The following ARID3B variants were observed in gnomAD, a reference collection of about 807,000 sequenced individuals.
ARID3B encodes AT-rich interaction domain 3B.
A neutral mutation model predicts 51.9 loss-of-function variants in ARID3B; 10 were observed. That is an observed-to-expected ratio of 0.19 (90% confidence interval 0.12 to 0.33). The LOEUF (loss-of-function observed/expected upper bound fraction) is 0.33, where lower values mean the gene tolerates loss of function less well. Ranked by LOEUF, ARID3B falls within the 10% of genes least tolerant of loss-of-function variation. The probability of loss-of-function intolerance (pLI) is 1.00; values close to 1 mark genes in which losing one functional copy is unlikely to be tolerated. For missense variants in ARID3B, 483 were observed against 716.3 expected (o/e 0.67, Z 3.72); for synonymous variants, 205 against 279.5 (o/e 0.73, Z 2.66).
At chr15:74,569,367 G>A (rs916064914) in intron 2 of ARID3B, among the ~76,000 whole-genome samples, 6 of 151,322 alleles carry the variant, frequency 4.0e-5, no homozygotes, top group African/African-American at 1.5e-4. Context: ...TATTATTTTT[G>A]GTAGAGATGG....
Position 74,596,537 on chromosome 15 carries a change from T to C in ARID3B, c.*763T>C, listed in dbSNP as rs1370451365. 1 of 233,512 alleles carries C rather than the reference T, an allele frequency of 4.3e-6. No individual in the cohort carries two copies. The highest frequency in any genetic ancestry group is 8.5e-6 in the Non-Finnish European group (1 of 118,106). The allele number at this position is 233,512 out of a possible 1,614,324, so 14.5% of individuals were successfully genotyped here. On this transcript the variant is annotated 3_prime_UTR_variant, in exon 9 of 9. Coordinates refer to ENST00000346246, the MANE Select transcript of ARID3B (RefSeq NM_006465.4). ...ACCTCATGCTCCCCACTTGCCCTTATTGGCCTGCTTTCCCAAAAACAGCCC... is the reference window on the plus strand; with the variant it reads ...ACCTCATGCTCCCCACTTGCCCTTACTGGCCTGCTTTCCCAAAAACAGCCC...
chr15:74,562,361 G>A (rs979139772), intron 2 of ARID3B, among the ~76,000 whole-genome samples: 21 of 152,052 alleles, frequency 1.4e-4, no homozygotes, highest in Non-Finnish European at 7.4e-5. Flanking sequence ...GGCTAGTCTC[G>A]AACTCCTGTC....
intron 4 of ARID3B, 32 bp downstream of exon 4, chr15:74,573,236 A>C: frequency 6.3e-7 from 1 of 1,599,508 alleles, no homozygotes; most frequent in Non-Finnish European, 8.6e-7. Context: ...ATTCCAATTC[A>C]GGGAATACTG....
intron 2 of ARID3B, among the ~76,000 whole-genome samples, chr15:74,559,804 A>G (rs2061672214): frequency 6.6e-6 from 1 of 152,120 alleles, no homozygotes; most frequent in South Asian, 2.1e-4. Context: ...AAGAAAATAC[A>G]ATCACTACAG....
chr15:74,555,923 C>G (rs1000306825), intron 2 of ARID3B, among the ~76,000 whole-genome samples: 2 of 150,838 alleles, frequency 1.3e-5, no homozygotes, highest in Admixed American at 6.7e-5. Context: ...TCCCGAGTAG[C>G]TGAGACTACA....
At chr15:74,567,865 A>G (rs1438072484) in intron 2 of ARID3B, among the ~76,000 whole-genome samples, 1 of 152,168 alleles carries the variant, frequency 6.6e-6, no homozygotes, top group East Asian at 1.9e-4. Context: ...TGCTGTTGAA[A>G]TGGGTTCCAG....
rs2061805460 is a variant in ARID3B at position 74,591,953 on chromosome 15, C to G, written c.1420+139C>G. The G allele has an allele frequency of 1.5e-6, 2 of 1,370,966 alleles. No homozygotes were observed. The highest frequency in any genetic ancestry group is 4.7e-5 in the East Asian group (2 of 42,176). The allele number at this position is 1,370,966 out of a possible 1,614,324, so 84.9% of individuals were successfully genotyped here. On this transcript the variant is annotated intron_variant, in intron 7 of 8. Coordinates refer to ENST00000346246, the MANE Select transcript of ARID3B (RefSeq NM_006465.4). The surrounding 1 kb of genome is among the most constrained non-coding windows in gnomAD (Gnocchi z 5.8). ...CCCCTCCAGGTTCTGCCTTCCAGGC[C>G]CCTAGAAGAGAGGCACTGAGATCTT...
chr15:74,543,975 A>AGCAGCAGCAGCAGCAGCAG lies in ARID3B; in HGVS notation c.39_40insGCAGCAGCAGCAGCAGCAG (p.Gln14AlafsTer76). 2 of 1,601,068 alleles carry AGCAGCAGCAGCAGCAGCAG rather than the reference A, an allele frequency of 1.2e-6. No homozygotes were observed. The highest frequency in any genetic ancestry group is 1.7e-6 in the Non-Finnish European group (2 of 1,175,908). On this transcript the variant is annotated frameshift_variant, in exon 2 of 9. Coordinates refer to ENST00000346246, the MANE Select transcript of ARID3B (RefSeq NM_006465.4). LOFTEE classifies it high-confidence loss of function. ...AGCAGCAGCAGCAGCAGCAGCAGCA[A>AGCAGCAGCAGCAGCAGCAG]CAACAGAAGCAGCCACACCTGGCTC...
chr15:74,566,616 A>AAG (rs2141460823), intron 2 of ARID3B, among the ~76,000 whole-genome samples: 2 of 152,064 alleles, frequency 1.3e-5, no homozygotes, highest in South Asian at 4.2e-4. Flanking sequence ...AAAAAAAAAA[A>AAG]AGAGACTAAA....
intron 4 of ARID3B, among the ~76,000 whole-genome samples, chr15:74,582,869 G>A (rs1281829787): frequency 1.3e-5 from 2 of 152,080 alleles, no homozygotes; most frequent in Non-Finnish European, 2.9e-5. Flanking sequence ...ATGTAGCATA[G>A]TCACATATCG....
intron 5 of ARID3B, among the ~76,000 whole-genome samples, chr15:74,590,428 G>A (rs2061798906): frequency 6.6e-6 from 1 of 152,128 alleles, no homozygotes; most frequent in African/African-American, 2.4e-5. Context: ...CACCCCAAGT[G>A]GCCCCTCTTA....
At chr15:74,563,961 G>T (rs999645627) in intron 2 of ARID3B, among the ~76,000 whole-genome samples, 1 of 152,140 alleles carries the variant, frequency 6.6e-6, no homozygotes, top group Admixed American at 6.5e-5. Flanking sequence ...TGCTCTGCCC[G>T]CTTTCTACAG....
intron 2 of ARID3B, among the ~76,000 whole-genome samples, chr15:74,553,062 GCTT>G (rs2061643882): frequency 6.6e-6 from 1 of 152,202 alleles, no homozygotes; most frequent in African/African-American, 2.4e-5. Flanking sequence ...CAGTGAATGA[GCTT>G]CTGTTGCTCC....
chr15:74,562,257 T>A (rs2061681985), intron 2 of ARID3B, among the ~76,000 whole-genome samples: 1 of 152,116 alleles, frequency 6.6e-6, no homozygotes, highest in Non-Finnish European at 1.5e-5. Flanking sequence ...TTCTCCTGCC[T>A]CCACCTCCCG....
chr15:74,595,782 G>T lies in ARID3B; in HGVS notation c.*8G>T. The T allele has an allele frequency of 6.2e-6, 10 of 1,601,130 alleles. No homozygotes were observed. The highest frequency in any genetic ancestry group is 7.7e-6 in the Non-Finnish European group (9 of 1,172,324). The stretch of plus-strand genomic sequence containing the variant: ...ACCAGCTGGTCCCTCTGATGGGCAG[G>T]ACCCAGCTTCCCACTTGCCACTCTC... On this transcript the variant is annotated 3_prime_UTR_variant, in exon 9 of 9. Transcript: ENST00000346246.
intron 4 of ARID3B, among the ~76,000 whole-genome samples, chr15:74,584,148 G>A (rs908103668): frequency 6.6e-6 from 1 of 152,198 alleles, no homozygotes; most frequent in African/African-American, 2.4e-5. Context: ...CGCCCAGGTT[G>A]TATGCATAGT....
At chr15:74,543,239 C>T (rs1014268219) in intron 1 of ARID3B, among the ~76,000 whole-genome samples, 5 of 152,162 alleles carry the variant, frequency 3.3e-5, no homozygotes, top group Non-Finnish European at 5.9e-5. Context: ...TAGTATGGCT[C>T]AGTCCACTCA....
At chr15:74,560,031 T>TAAAAAAAAAAAAAAAACAAAAA (rs71137394) in intron 2 of ARID3B, among the ~76,000 whole-genome samples, 3 of 35,628 alleles carry the variant, frequency 8.4e-5, no homozygotes, top group African/African-American at 2.7e-4. Flanking sequence ...CTGTCTCTAC[T>TAAAAAAAAAAAAAAAACAAAAA]AAAAAAAAAA....
chr15:74,567,088 GA>G (rs2061702059), intron 2 of ARID3B, among the ~76,000 whole-genome samples: 1 of 152,034 alleles, frequency 6.6e-6, no homozygotes. Flanking sequence ...TTCCTGTCCA[GA>G]AAACATCCAC....
Sources: gnomAD v4.1 joint callset for allele counts (sites outside exome capture counted in the v4.1 genomes callset) on GRCh38, gnomAD v4.1.1 for gene constraint, Gnocchi (gnomAD v3.1) non-coding constraint, MANE v1.5 for transcripts, NCBI Gene and HGNC (gene_info 2026-07-23, HGNC 2026-07-21) for gene names.